The following ATCAY variants were observed in gnomAD, a reference collection of about 807,000 sequenced individuals.
ATCAY encodes the protein caytaxin.
A neutral mutation model predicts 47.7 loss-of-function variants in ATCAY; 22 were observed. The observed-to-expected ratio is 0.46, with a 90% confidence interval of 0.33 to 0.66. ATCAY has a LOEUF of 0.66. Among genes scored for constraint, ATCAY ranks in the 30% least tolerant of loss-of-function variants. ATCAY has a pLI of 0.02. For missense variants in ATCAY, 452 were observed against 515.0 expected (o/e 0.88, Z 1.18); for synonymous variants, 216 against 207.6 (o/e 1.04, Z -0.35).
intron 12 of ATCAY, among the ~76,000 whole-genome samples, chr19:3,923,489 GGATA>G (rs200510944): frequency 0.029 from 4,423 of 151,306 alleles, 220 homozygotes; most frequent in African/African-American, 0.1. Context: ...GATGATGGGT[GGATA>G]GATAGATGAA....
intron 2 of ATCAY, among the ~76,000 whole-genome samples, chr19:3,896,178 T>C (rs2038768328): frequency 6.6e-6 from 1 of 151,166 alleles, no homozygotes. Flanking sequence ...GCTTCACATT[T>C]CAGCTGCAGC....
chr19:3,904,180 C>T (rs2038840458), intron 3 of ATCAY, among the ~76,000 whole-genome samples: 1 of 151,638 alleles, frequency 6.6e-6, no homozygotes, highest in Admixed American at 6.6e-5. Flanking sequence ...AAAGATTAGT[C>T]GGGCTTGGTG....
At chr19:3,913,529 T>A (rs1371729234) in intron 8 of ATCAY, among the ~76,000 whole-genome samples, 1 of 152,158 alleles carries the variant, frequency 6.6e-6, no homozygotes, top group Non-Finnish European at 1.5e-5. Context: ...GTCAGGTGCA[T>A]GGCCCTGCTT....
chr19:3,888,106 TC>T (rs1393320382), intron 2 of ATCAY, among the ~76,000 whole-genome samples: 1 of 123,402 alleles, frequency 8.1e-6, no homozygotes, highest in Non-Finnish European at 1.6e-5. Context: ...AGTGTGAGAC[TC>T]CGTCTCAAAA....
At chr19:3,900,126 G>T (rs1376679400) in intron 2 of ATCAY, among the ~76,000 whole-genome samples, 1 of 151,622 alleles carries the variant, frequency 6.6e-6, no homozygotes, top group Non-Finnish European at 1.5e-5. Flanking sequence ...TTGGTTATTA[G>T]TTACCAAAGT....
rs1172609989 is a variant in ATCAY, at chr19:3,907,411, G to A, written c.359-323G>A. ...AGTAAAAACCAAGCATGCATGCCCC[G>A]AGTATCCTCGTGGTTTGATGAAGCA... On this transcript the variant is annotated intron_variant, in intron 4 of 12. Coordinates refer to ENST00000450849, the MANE Select transcript of ATCAY (RefSeq NM_033064.5). This position sits in a 1 kb window ranked among gnomAD's most constrained non-coding sequence, Gnocchi z 5.1. 2.6e-5 allele frequency among the ~76,000 whole-genome samples: 4 copies of A among 152,142 alleles called. No individual in the cohort carries two copies. Among genetic ancestry groups the A allele is most frequent in the East Asian group, 1.9e-4 (1 of 5,196 alleles).
intron 11 of ATCAY, among the ~76,000 whole-genome samples, chr19:3,919,083 G>T (rs2038993483): frequency 6.6e-6 from 1 of 151,728 alleles, no homozygotes; most frequent in Non-Finnish European, 1.5e-5. Flanking sequence ...TTCGAGACCA[G>T]CCTGGCCAGC....
intron 2 of ATCAY, among the ~76,000 whole-genome samples, chr19:3,895,720 T>C (rs549943756): frequency 4.3e-4 from 63 of 147,860 alleles, no homozygotes; most frequent in South Asian, 2.8e-3. Context: ...TCTTTTCTTT[T>C]TTTTTTTTTT....
chr19:3,908,751 C>T (rs1034525011), intron 6 of ATCAY, among the ~76,000 whole-genome samples: 1 of 109,626 alleles, frequency 9.1e-6, no homozygotes, highest in African/African-American at 3.6e-5. Flanking sequence ...TCCCCCTCTT[C>T]CCCTTCCCTC....
Position 3,885,851 on chromosome 19 carries a change from C to T in ATCAY, c.77+7C>T. The T allele has an allele frequency of 6.4e-7, 1 of 1,551,648 alleles. No homozygotes were observed. The highest frequency in any genetic ancestry group is 8.7e-7 in the Non-Finnish European group (1 of 1,147,448). On this transcript the variant is annotated splice_region_variant and intron_variant, in intron 2 of 12. Transcript: ENST00000450849. ...AGGACGAAGATCTTCCCAGGTAGGA[C>T]TTCCACATCCCTGAGTCAACCGTTG...
chr19:3,887,098 G>A (rs2038664584), intron 2 of ATCAY, among the ~76,000 whole-genome samples: 2 of 152,120 alleles, frequency 1.3e-5, no homozygotes, highest in Admixed American at 6.6e-5. Flanking sequence ...CCTAAGGATA[G>A]TGCCTGGCAT....
chr19:3,908,313 G>A lies in ATCAY; in HGVS notation c.590G>A (p.Cys197Tyr). Residue 197 changes from cysteine (C) to tyrosine (Y), a missense_variant, in exon 6 of 13, where the codon TGC (cysteine) becomes TAC (tyrosine). Coordinates refer to ENST00000450849, the MANE Select transcript of ATCAY (RefSeq NM_033064.5). ...AACGCCATCATCGTCTTCGCAGCCT[G>A]CTTCCTTCCAGACAGCAGCCTCCCC... is the stretch of plus-strand genomic sequence containing the variant. ...GLNAIIVFAA[C>Y]FLPDSSLPDY... 1 of 1,593,856 alleles carries A rather than the reference G, an allele frequency of 6.3e-7. No individual in the cohort carries two copies. The highest frequency in any genetic ancestry group is 8.5e-7 in the Non-Finnish European group (1 of 1,170,166).
chr19:3,904,678 C>T (rs1489964325), intron 3 of ATCAY, among the ~76,000 whole-genome samples: 3 of 151,844 alleles, frequency 2.0e-5, no homozygotes, highest in Non-Finnish European at 4.4e-5. Context: ...GGATTTGTTT[C>T]CCTGGAGCAC....
At chr19:3,882,166 TGA>T (rs1438804802) in intron 1 of ATCAY, among the ~76,000 whole-genome samples, 5 of 152,034 alleles carry the variant, frequency 3.3e-5, no homozygotes. Context: ...CTGGATGCCA[TGA>T]GAGTTGGGGG....
At chr19:3,896,772 G>A (rs1251999531) in intron 2 of ATCAY, among the ~76,000 whole-genome samples, 1 of 150,828 alleles carries the variant, frequency 6.6e-6, no homozygotes, top group African/African-American at 2.5e-5. Flanking sequence ...GGCTGGGCAA[G>A]TGGTTGTTTG....
Position 3,918,848 on chromosome 19 carries a change from G to A in ATCAY, c.1044G>A (p.Glu348=). Residue 348 remains glutamate, a synonymous_variant, in exon 11 of 13, where the codon GAG becomes GAA. Coordinates refer to ENST00000450849, the MANE Select transcript of ATCAY (RefSeq NM_033064.5). ...AGTTTGTGCTGCCCAGGTCTGAAGA[G>A]AAGCCAGAGGTGGCACCAGTGGAAA... The part of the protein sequence containing the change: ...QPEFVLPRSE[E]KPEVAPVENR... 1 of 1,614,026 alleles carries A rather than the reference G, an allele frequency of 6.2e-7. No individual in the cohort carries two copies. The highest frequency in any genetic ancestry group is 8.5e-7 in the Non-Finnish European group (1 of 1,179,884).
intron 3 of ATCAY, 88 bp downstream of exon 3, chr19:3,902,633 A>C: frequency 3.4e-5 from 47 of 1,397,068 alleles, no homozygotes; most frequent in Non-Finnish European, 4.5e-5. Context: ...TAGAAATGTC[A>C]GAGGCCACAC....
At chr19:3,909,765 C>G (rs1364919134) in intron 7 of ATCAY, 148 bp downstream of exon 7, 7 of 1,170,302 alleles carry the variant, frequency 6.0e-6, no homozygotes, top group Non-Finnish European at 7.2e-6. Context: ...CCAGCCTGGG[C>G]AACGCAGCAA....
At chr19:3,912,418 A>C (rs2038931524) in intron 8 of ATCAY, among the ~76,000 whole-genome samples, 1 of 151,832 alleles carries the variant, frequency 6.6e-6, no homozygotes, top group South Asian at 2.1e-4. Context: ...GGTTCACGCT[A>C]TTCTGCCTCA....
Sources: allele counts gnomAD v4.1 joint callset (sites outside exome capture counted in the v4.1 genomes callset), GRCh38; gene constraint gnomAD v4.1.1; non-coding constraint Gnocchi (gnomAD v3.1); transcripts MANE v1.5; gene names NCBI Gene and HGNC (gene_info 2026-07-23, HGNC 2026-07-21).